Variants in TRIO observed in about 807,000 individuals in gnomAD.
TRIO encodes trio Rho guanine nucleotide exchange factor.
In TRIO, 58 loss-of-function variants were observed where a neutral mutation model predicts 351.9. The ratio of observed to expected loss-of-function variants is 0.16; its 90% CI spans 0.13 to 0.21. TRIO has a LOEUF of 0.21. Ranked by LOEUF, TRIO falls within the 10% of genes least tolerant of loss-of-function variation. TRIO has a pLI of 1.00. For missense variants in TRIO, 3,201 were observed against 4,027.8 expected (o/e 0.79, Z 5.56); for synonymous variants, 1,758 against 1,595.7 (o/e 1.10, Z -2.42).
At chr5:14,405,823 T>A (rs760468924) in intron 31 of TRIO, 25 bp from the exon 32 acceptor site, 2 of 1,607,434 alleles carry the variant, frequency 1.2e-6, no homozygotes, top group East Asian at 2.2e-5. Flanking sequence ...TTCCGTATCC[T>A]AAGCAACGCT....
At chr5:14,351,228 A>G (rs1241081914) in intron 11 of TRIO, among the ~76,000 whole-genome samples, 1 of 152,218 alleles carries the variant, frequency 6.6e-6, no homozygotes, top group African/African-American at 2.4e-5. Context: ...TTATCAGGGC[A>G]GCAGGCATGT....
intron 18 of TRIO, among the ~76,000 whole-genome samples, chr5:14,371,512 A>T (rs1745101530): frequency 6.6e-6 from 1 of 152,208 alleles, no homozygotes; most frequent in African/African-American, 2.4e-5. Flanking sequence ...TTATTTGTGA[A>T]TTTAAACATT....
chr5:14,209,460 C>G (rs1190418139), intron 1 of TRIO, among the ~76,000 whole-genome samples: 1 of 152,182 alleles, frequency 6.6e-6, no homozygotes, highest in African/African-American at 2.4e-5. Flanking sequence ...TGAGGCAAGT[C>G]CCAGTTACTA....
intron 1 of TRIO, among the ~76,000 whole-genome samples, chr5:14,211,665 G>GT (rs1348090586): frequency 7.6e-6 from 1 of 130,856 alleles, no homozygotes; most frequent in Non-Finnish European, 1.6e-5. Context: ...TGTCACATAT[G>GT]TTTTCTCTTG....
intron 47 of TRIO, among the ~76,000 whole-genome samples, chr5:14,485,920 G>A (rs1040264741): frequency 7.2e-5 from 11 of 152,060 alleles, no homozygotes; most frequent in African/African-American, 1.7e-4. Context: ...CCCAGGAGGC[G>A]GAGATCGTGG....
rs745631043 is a variant in TRIO, at chr5:14,507,860, A to G, written c.8752-20A>G. 1 of 1,602,686 alleles carries G rather than the reference A, an allele frequency of 6.2e-7. No homozygotes were observed. Among genetic ancestry groups the G allele is most frequent in the Non-Finnish European group, 8.5e-7 (1 of 1,174,096 alleles). ...TAAGATTGGATGGTCTGAAAATGAC[A>G]GTTGTATTCTGATTTCCAGCCTGAG... On this transcript the variant is annotated intron_variant, in intron 56 of 56. Coordinates refer to ENST00000344204, the MANE Select transcript of TRIO (RefSeq NM_007118.4).
intron 30 of TRIO, chr5:14,399,290 C>G: frequency 1.8e-6 from 1 of 546,372 alleles, no homozygotes; most frequent in Non-Finnish European, 3.2e-6. Context: ...GAAACTTGCT[C>G]TTCTTAAATC....
At chr5:14,317,449 G>C (rs1197842880) in intron 9 of TRIO, among the ~76,000 whole-genome samples, 11 of 152,182 alleles carry the variant, frequency 7.2e-5, no homozygotes, top group Non-Finnish European at 1.3e-4. Context: ...AGGAATCCTG[G>C]AGTATGCAGG....
chr5:14,256,955 G>A (rs1795055806), intron 1 of TRIO, among the ~76,000 whole-genome samples: 1 of 152,380 alleles, frequency 6.6e-6, no homozygotes, highest in South Asian at 2.1e-4. Flanking sequence ...ACCAAGGGCA[G>A]TGTGTGTACA....
chr5:14,179,821 G>A (rs932754108), intron 1 of TRIO, among the ~76,000 whole-genome samples: 1 of 152,114 alleles, frequency 6.6e-6, no homozygotes. Context: ...TCTGGGCATG[G>A]TGGCTCAGGT....
At chr5:14,280,695 A>C (rs1735916556) in intron 3 of TRIO, among the ~76,000 whole-genome samples, 1 of 152,148 alleles carries the variant, frequency 6.6e-6, no homozygotes. Context: ...GGATTTCAGG[A>C]TGTGGCGCCT....
At chr5:14,478,101 A>G (rs1239530177) in intron 41 of TRIO, among the ~76,000 whole-genome samples, 1 of 152,172 alleles carries the variant, frequency 6.6e-6, no homozygotes, top group African/African-American at 2.4e-5. Flanking sequence ...CATAAAAAAA[A>G]GTGGTTAGTT....
At chr5:14,311,180 G>A (rs765011241) in intron 8 of TRIO, among the ~76,000 whole-genome samples, 3 of 152,204 alleles carry the variant, frequency 2.0e-5, no homozygotes, top group Non-Finnish European at 4.4e-5. Context: ...TAGAGCCCAG[G>A]TGCAGCCTAT....
chr5:14,357,737 G>A (rs1257660232), intron 11 of TRIO, among the ~76,000 whole-genome samples: 1 of 152,092 alleles, frequency 6.6e-6, no homozygotes, highest in African/African-American at 2.4e-5. Flanking sequence ...GGGGGAAATC[G>A]GTGGTTTAAT....
rs1163843295 is a variant in TRIO, at chr5:14,298,582, A to G, written c.1368+1319A>G. ...CTGTTGAAGAGTGAAGAAGTCAGTAAAGGAAGATAGAGGCCCCAACTTGCC... is the reference window on the plus strand; with the variant it reads ...CTGTTGAAGAGTGAAGAAGTCAGTAGAGGAAGATAGAGGCCCCAACTTGCC... On this transcript the variant is annotated intron_variant, in intron 7 of 56. Coordinates refer to ENST00000344204, the MANE Select transcript of TRIO (RefSeq NM_007118.4). 3.9e-5 allele frequency among the ~76,000 whole-genome samples: 6 copies of G among 152,180 alleles called. No homozygotes were observed. The East Asian group carries it at 1.2e-3, about 29-fold the overall frequency.
At chr5:14,427,135 C>T (rs16903508) in intron 34 of TRIO, among the ~76,000 whole-genome samples, 4,752 of 152,208 alleles carry the variant, frequency 0.031, 252 homozygotes, top group African/African-American at 0.11. Flanking sequence ...CATCAACACC[C>T]AGATGACCGT....
At chr5:14,358,425 A>T in intron 12 of TRIO, 78 bp downstream of exon 12, 9 of 1,525,032 alleles carry the variant, frequency 5.9e-6, no homozygotes, top group Middle Eastern at 1.7e-4. Flanking sequence ...TACTCTTGTG[A>T]GTGGTCAGCT....
intron 49 of TRIO, 51 bp downstream of exon 49, chr5:14,492,865 A>G (rs1457795402): frequency 6.3e-7 from 1 of 1,598,714 alleles, no homozygotes; most frequent in African/African-American, 1.3e-5. Context: ...GGGAGGGGGC[A>G]CAGCACCCGT....
At chr5:14,461,440 T>TC in intron 35 of TRIO, 129 bp downstream of exon 35, 1 of 1,290,806 alleles carries the variant, frequency 7.7e-7, no homozygotes, top group Non-Finnish European at 1.0e-6. Context: ...AAATTACCAT[T>TC]CAAGTCTCTG....
Sources: allele counts gnomAD v4.1 joint callset (sites outside exome capture counted in the v4.1 genomes callset), GRCh38; gene constraint gnomAD v4.1.1; transcripts MANE v1.5; gene names NCBI Gene and HGNC (gene_info 2026-07-23, HGNC 2026-07-21).